The following ADAM22 variants were observed in gnomAD, a reference collection of about 807,000 sequenced individuals.
ADAM22 encodes ADAM metallopeptidase domain 22.
A neutral mutation model predicts 144.6 loss-of-function variants in ADAM22; 65 were observed. That is an observed-to-expected ratio of 0.45 (90% confidence interval 0.37 to 0.55). The LOEUF (loss-of-function observed/expected upper bound fraction) is 0.55, where lower values mean the gene tolerates loss of function less well. ADAM22 is among the 20% of genes least tolerant of loss of function. The pLI is 0.00. For synonymous variants in ADAM22, 391 were observed against 412.6 expected (o/e 0.95, Z 0.63); for missense variants, 974 against 1,184.9 (o/e 0.82, Z 2.61).
intron 3 of ADAM22, among the ~76,000 whole-genome samples, chr7:87,991,042 A>G (rs1445634141): frequency 6.6e-6 from 1 of 152,182 alleles, no homozygotes; most frequent in Non-Finnish European, 1.5e-5. Flanking sequence ...CTCAATTTCA[A>G]TCATTTTTCT....
At chr7:87,965,440 T>C (rs1326914061) in intron 2 of ADAM22, among the ~76,000 whole-genome samples, 1 of 152,230 alleles carries the variant, frequency 6.6e-6, no homozygotes, top group Non-Finnish European at 1.5e-5. Context: ...GTTTATTATA[T>C]GTAAATGTGT....
chr7:88,133,036 C>A, intron 12 of ADAM22, 85 bp downstream of exon 12: 1 of 1,206,320 alleles, frequency 8.3e-7, no homozygotes, highest in Non-Finnish European at 1.2e-6. Context: ...TCTCAGTATT[C>A]ACATACTCCA....
intron 3 of ADAM22, among the ~76,000 whole-genome samples, chr7:88,047,709 A>G (rs1466364456): frequency 6.6e-6 from 1 of 152,192 alleles, no homozygotes; most frequent in African/African-American, 2.4e-5. Flanking sequence ...ATTAAGTTAT[A>G]TGAGTTTGTA....
Position 88,145,472 on chromosome 7 carries a change from C to G in ADAM22, c.1450C>G (p.Gln484Glu). ...GAAATGCACCTTGACTCAAGACTCT[C>G]AATGCAGTGACGGTCTTTGCTGTAA... Reference protein sequence around the residue: ...CKKCTLTQDSQCSDGLCCKKC... With the variant: ...CKKCTLTQDSECSDGLCCKKC... The change falls in exon 17 of 32, where the codon CAA becomes GAA. Residue 484 changes from glutamine to glutamate, a missense_variant. By Grantham distance (29) the Gln-to-Glu change is conservative. Coordinates refer to ENST00000413139, the MANE Select transcript of ADAM22 (RefSeq NM_001324418.2). 6.2e-7 allele frequency: 1 copy of G among 1,613,580 alleles called. No individual in the cohort carries two copies. Among genetic ancestry groups the G allele is most frequent in the Non-Finnish European group, 8.5e-7 (1 of 1,179,688 alleles).
At chr7:88,071,787 A>G (rs879743768) in intron 3 of ADAM22, among the ~76,000 whole-genome samples, 2 of 152,146 alleles carry the variant, frequency 1.3e-5, no homozygotes, top group African/African-American at 4.8e-5. Flanking sequence ...TTATATTTCA[A>G]AGTTCACAAA....
chr7:88,185,079 G>A (rs1261651134), intron 29 of ADAM22, among the ~76,000 whole-genome samples: 1 of 152,182 alleles, frequency 6.6e-6, no homozygotes, highest in Non-Finnish European at 1.5e-5. Flanking sequence ...TTCATTTGTG[G>A]CTGCACTTGG....
chr7:88,169,288 C>A (rs1410961212), intron 25 of ADAM22, among the ~76,000 whole-genome samples: 2 of 151,960 alleles, frequency 1.3e-5, no homozygotes, highest in Non-Finnish European at 2.9e-5. Context: ...GCGCAGAGAG[C>A]ATATTACAGT....
rs909984373 is a variant in ADAM22 at position 88,123,014 on chromosome 7, T to A, written c.608-2575T>A. Among the ~76,000 whole-genome samples the A allele has an allele frequency of 2.6e-5, 4 of 152,226 alleles. No individual in the cohort carries two copies. In the East Asian group the frequency reaches 7.7e-4, roughly 29 times the overall value. On this transcript the variant is annotated intron_variant, in intron 7 of 31. Transcript: ENST00000413139. ...GAATTTTGTCAAATGCTTTTCTATG[T>A]CTATTACGGGATCATATAATTTTCT...
In ADAM22 at chr7:88,138,818, G is replaced by A. The variant is rs74793610; in HGVS notation, c.1220+2787G>A. ...AATACAGAACTGTTCAGAAGTTAGA[G>A]GTCAGATGTGGCAAAATAAAGGTAA... On this transcript the variant is annotated intron_variant, in intron 14 of 31. Transcript: ENST00000413139. 5.2e-3 allele frequency among the ~76,000 whole-genome samples: 790 copies of A among 152,264 alleles called. 11 individuals carry two copies. Among genetic ancestry groups the A allele is most frequent in the African/African-American group, 0.018 (747 of 41,554 alleles).
At chr7:88,017,145 T>A (rs1423392907) in intron 3 of ADAM22, among the ~76,000 whole-genome samples, 2 of 151,988 alleles carry the variant, frequency 1.3e-5, no homozygotes, top group African/African-American at 2.4e-5. Context: ...AAATAAAAAT[T>A]AAAAATAAAA....
At chr7:88,048,454 T>C (rs1172040368) in intron 3 of ADAM22, among the ~76,000 whole-genome samples, 1 of 152,196 alleles carries the variant, frequency 6.6e-6, no homozygotes, top group Non-Finnish European at 1.5e-5. Flanking sequence ...TCTATACCAA[T>C]GTATTCACTC....
At chr7:88,149,180 A>AT (rs1387556834) in intron 18 of ADAM22, 123 bp downstream of exon 18, 24 of 700,532 alleles carry the variant, frequency 3.4e-5, no homozygotes, top group Admixed American at 5.8e-5. Flanking sequence ...TCATTTCTCC[A>AT]TTTTTTTTAG....
At chr7:87,941,440 G>A (rs928528304) in intron 2 of ADAM22, among the ~76,000 whole-genome samples, 6 of 152,098 alleles carry the variant, frequency 3.9e-5, no homozygotes, top group Non-Finnish European at 7.3e-5. Context: ...TACTGCTTCC[G>A]TGGCGGAAAA....
intron 2 of ADAM22, among the ~76,000 whole-genome samples, chr7:87,965,822 G>T (rs981240847): frequency 2.0e-5 from 3 of 152,194 alleles, no homozygotes; most frequent in African/African-American, 7.2e-5. Flanking sequence ...AGGAGAGATT[G>T]TGACCCAGCT....
At chr7:88,165,473 GGAAA>G (rs1842739586) in intron 23 of ADAM22, among the ~76,000 whole-genome samples, 1 of 152,074 alleles carries the variant, frequency 6.6e-6, no homozygotes, top group Non-Finnish European at 1.5e-5. Flanking sequence ...ATGGAAGGAA[GGAAA>G]CCTTTGTATT....
intron 3 of ADAM22, among the ~76,000 whole-genome samples, chr7:88,014,359 C>G (rs1796095377): frequency 6.6e-6 from 1 of 152,180 alleles, no homozygotes; most frequent in Admixed American, 6.5e-5. Flanking sequence ...CCCAACTCCC[C>G]ATCATAAACT....
chr7:88,039,220 G>A (rs1301965444), intron 3 of ADAM22, among the ~76,000 whole-genome samples: 2 of 151,350 alleles, frequency 1.3e-5, no homozygotes, highest in African/African-American at 4.9e-5. Context: ...AAGGGAGGCG[G>A]ATCACGAGGT....
chr7:88,145,029 C>T, intron 15 of ADAM22, 96 bp from the exon 16 acceptor site: 2 of 944,630 alleles, frequency 2.1e-6, no homozygotes, highest in Non-Finnish European at 3.2e-6. Flanking sequence ...GAATGACTGG[C>T]AGGGCAGGTA....
intron 3 of ADAM22, among the ~76,000 whole-genome samples, chr7:88,050,714 T>C (rs1306255112): frequency 2.0e-5 from 3 of 152,192 alleles, no homozygotes; most frequent in African/African-American, 7.2e-5. Context: ...TTGTTTGTTT[T>C]TTTCTTGTAA....
Sources: allele counts gnomAD v4.1 joint callset (sites outside exome capture counted in the v4.1 genomes callset), GRCh38; gene constraint gnomAD v4.1.1; transcripts MANE v1.5; gene names NCBI Gene and HGNC (gene_info 2026-07-23, HGNC 2026-07-21).